Variants in MAGOHB observed in about 807,000 individuals in gnomAD.
MAGOHB encodes protein mago nashi homolog 2.
A neutral mutation model predicts 20.9 loss-of-function variants in MAGOHB; 15 were observed. The ratio of observed to expected loss-of-function variants is 0.72; its 90% CI spans 0.48 to 1.11. The LOEUF is 1.11. Ranked by LOEUF, MAGOHB falls within the 50% of genes least tolerant of loss-of-function variation. The pLI is 0.00. For synonymous variants in MAGOHB, 50 were observed against 57.9 expected, an observed-to-expected ratio of 0.86 and a Z score of 0.62; for missense variants, 162 against 177.6, an observed-to-expected ratio of 0.91 and a Z score of 0.50.
chr12:10,612,769 C>T, intron 1 of MAGOHB: 2 of 1,255,340 alleles, frequency 1.6e-6, no homozygotes, highest in Non-Finnish European at 2.1e-6. Flanking sequence ...AAGGATAGCG[C>T]TGTCAGAAAA....
At chr12:10,611,911 G>A (rs1158784846) in intron 1 of MAGOHB, among the ~76,000 whole-genome samples, 2 of 152,082 alleles carry the variant, frequency 1.3e-5, no homozygotes, top group African/African-American at 4.8e-5. Context: ...TAATTCATGT[G>A]ACCTGCTAAA....
At chr12:10,600,519 T>C (rs1865544102), downstream of MAGOHB, among the ~76,000 whole-genome samples, 1 of 152,132 alleles carries the variant, frequency 6.6e-6, no homozygotes, top group Non-Finnish European at 1.5e-5. Context: ...TGATGTTCCA[T>C]CAGTTGTGTG....
At chr12:10,607,462 T>A (rs913115304) in intron 4 of MAGOHB, among the ~76,000 whole-genome samples, 1 of 152,146 alleles carries the variant, frequency 6.6e-6, no homozygotes, top group Non-Finnish European at 1.5e-5. Context: ...TAGGCCATAA[T>A]GGATTTTTTC....
downstream of MAGOHB, among the ~76,000 whole-genome samples, chr12:10,600,499 A>T (rs955972528): frequency 7.9e-5 from 12 of 152,064 alleles, no homozygotes; most frequent in African/African-American, 2.9e-4. Context: ...TCCAGAAGAG[A>T]TGTTCCCTTT....
chr12:10,609,113 T>C (rs1213120130), intron 3 of MAGOHB: 3 of 166,694 alleles, frequency 1.8e-5, no homozygotes, highest in Admixed American at 1.2e-4. Context: ...CTTTTCTAAA[T>C]AATGCTTCTT....
rs12814784 is a variant in MAGOHB at position 10,605,569 on chromosome 12, A to C, written c.*706T>G. On this transcript the variant is annotated 3_prime_UTR_variant, in exon 5 of 5. Coordinates refer to ENST00000320756, the MANE Select transcript of MAGOHB (RefSeq NM_018048.5). ...TTTATGTACATTCATACATACATAT[A>C]TGTTTGTCTAAATGTTTAACAATTT... 12 of 152,224 alleles carry C rather than the reference A, an allele frequency of 7.9e-5. No homozygotes were observed. The highest frequency in any genetic ancestry group is 1.5e-4 in the Non-Finnish European group (10 of 68,028). The allele number at this position is 152,224 out of a possible 1,614,324, so 9.4% of individuals were successfully genotyped here.
chr12:10,613,149 A>G (rs1291756773), intron 1 of MAGOHB, among the ~76,000 whole-genome samples: 1 of 152,172 alleles, frequency 6.6e-6, no homozygotes, highest in Non-Finnish European at 1.5e-5. Flanking sequence ...GGTGTTTTCA[A>G]AAAAGTGCTA....
chr12:10,612,391 T>A (rs572733409), intron 1 of MAGOHB, among the ~76,000 whole-genome samples: 2 of 106,178 alleles, frequency 1.9e-5, no homozygotes, highest in Non-Finnish European at 4.2e-5. Context: ...GAGTGAGACC[T>A]TGTTTCAAAA....
intron 1 of MAGOHB, among the ~76,000 whole-genome samples, chr12:10,612,371 C>A (rs1044771807): frequency 8.0e-5 from 12 of 150,808 alleles, no homozygotes; most frequent in Non-Finnish European, 1.6e-4. Context: ...GCACTCAGAT[C>A]TGGGTGACAG....
Position 10,605,948 on chromosome 12 carries a change from C to G in MAGOHB, c.*327G>C. The G allele has an allele frequency of 6.2e-6, 1 of 160,522 alleles. No homozygotes were observed. 9.9% of individuals were successfully genotyped at this position (160,522 alleles called of 1,614,324 possible). A position where few individuals can be genotyped will look rare whatever the true frequency, so the allele number is the denominator to read the frequency against. On this transcript the variant is annotated 3_prime_UTR_variant, in exon 5 of 5. Transcript: ENST00000320756. Reference sequence around the variant, plus strand: ...CAGGATATATCTACCAGAACAATTTCTTATTATCTCTAAAGTGAATTAGAG... The same window carrying G: ...CAGGATATATCTACCAGAACAATTTGTTATTATCTCTAAAGTGAATTAGAG...
At chr12:10,612,971 C>T (rs778677585) in intron 1 of MAGOHB, 71 of 1,287,192 alleles carry the variant, frequency 5.5e-5, no homozygotes, top group Non-Finnish European at 6.8e-5. Flanking sequence ...TGGTACTCTT[C>T]ATGCGTCCTA....
At position 10,607,934 on chromosome 12, in the gene MAGOHB, C is replaced by A. The variant is rs780676638; in HGVS notation, c.267G>T (p.Glu89Asp). The change falls in exon 4 of 5, where the codon GAG becomes GAT. Residue 89 changes from glutamate to aspartate, a missense_variant and splice_region_variant. By Grantham distance (45) the Glu-to-Asp change is conservative. Coordinates refer to ENST00000320756, the MANE Select transcript of MAGOHB (RefSeq NM_018048.5). Reference sequence around the variant, plus strand: ...GCTCATCTCCAATTACAATTTCAAGCTCCTAAAAAATATAGCAGAAAAATG... The same window carrying A: ...GCTCATCTCCAATTACAATTTCAAGATCCTAAAAAATATAGCAGAAAAATG... ...WPPPDRVGRQ[E>D]LEIVIGDEHI... is the part of the protein sequence containing the mutation. The A allele has an allele frequency of 6.4e-7, 1 of 1,560,620 alleles. No individual in the cohort carries two copies. The highest frequency in any genetic ancestry group is 2.3e-5 in the East Asian group (1 of 43,330).
chr12:10,610,574 A>G, intron 2 of MAGOHB, 48 bp downstream of exon 2: 1 of 1,323,594 alleles, frequency 7.6e-7, no homozygotes, highest in East Asian at 4.0e-5. Flanking sequence ...AATGGGCTAA[A>G]TGCAAAAAAA....
At chr12:10,607,827 T>C (rs746669122) in intron 4 of MAGOHB, 27 bp downstream of exon 4, 1 of 1,376,810 alleles carries the variant, frequency 7.3e-7, no homozygotes, top group South Asian at 1.2e-5. Flanking sequence ...TAATGAAAAC[T>C]TCGCCAAAAT....
At chr12:10,610,580 A>C (rs1346468886) in intron 2 of MAGOHB, 42 bp downstream of exon 2, 36 of 396,938 alleles carry the variant, frequency 9.1e-5, no homozygotes, top group East Asian at 3.8e-3. Flanking sequence ...CTAAATGCAA[A>C]AAAAAAAAAA....
At position 10,613,554 on chromosome 12, in the gene MAGOHB, C is replaced by G; in HGVS notation, c.-22G>C. 6.4e-7 allele frequency: 1 copy of G among 1,561,798 alleles called. No individual in the cohort carries two copies. Among genetic ancestry groups the G allele is most frequent in the South Asian group, 1.1e-5 (1 of 90,054 alleles). ...CCATTTTTGTACCCGGGAAGCCCGC[C>G]GAAAACGCAGCCAACGTGTCCCCCG... On this transcript the variant is annotated 5_prime_UTR_variant, in exon 1 of 5. Transcript: ENST00000320756.
At chr12:10,613,013 ATAT>A (rs1565553423) in intron 1 of MAGOHB, 4 of 1,135,100 alleles carry the variant, frequency 3.5e-6, no homozygotes, top group South Asian at 2.6e-5. Flanking sequence ...CACCTAAAAC[ATAT>A]TATTATTCTC....
In MAGOHB at chr12:10,605,520, C is replaced by T. The variant is rs532506058; in HGVS notation, c.*755G>A. ...GGAACTGGGAAACTGAAGTGAGACT[C>T]GTGGTCAATAGGAGTTAAAAATATT... On this transcript the variant is annotated 3_prime_UTR_variant, in exon 5 of 5. Transcript: ENST00000320756. 5.3e-5 allele frequency: 8 copies of T among 152,226 alleles called. No homozygotes were observed. Among genetic ancestry groups the T allele is most frequent in the Admixed American group, 2.6e-4 (4 of 15,290 alleles). 9.4% of individuals were successfully genotyped at this position (152,226 alleles called of 1,614,324 possible). A position where few individuals can be genotyped will look rare whatever the true frequency, so the allele number is the denominator to read the frequency against.
intron 1 of MAGOHB, chr12:10,613,079 GA>G: frequency 2.6e-5 from 16 of 615,822 alleles, no homozygotes; most frequent in East Asian, 6.2e-5. Context: ...CAGCCTAAAT[GA>G]AAAAAAGGTA....
Sources: gnomAD v4.1 joint callset for allele counts (sites outside exome capture counted in the v4.1 genomes callset) on GRCh38, gnomAD v4.1.1 for gene constraint, MANE v1.5 for transcripts, NCBI Gene and HGNC (gene_info 2026-07-23, HGNC 2026-07-21) for gene names.